The following THOC1 variants were observed in gnomAD, a reference collection of about 807,000 sequenced individuals.
The protein encoded by THOC1 is THO complex subunit 1, also known as THO complex 1.
In THOC1, 29 loss-of-function variants were observed where a neutral mutation model predicts 97.3. The observed-to-expected ratio is 0.30, with a 90% CI of 0.22 to 0.41. THOC1 has a LOEUF of 0.41. Among genes scored for constraint, THOC1 ranks in the 10% least tolerant of loss-of-function variants. The pLI is 1.00. For missense variants in THOC1, 529 were observed against 761.9 expected (o/e 0.69, Z 3.60); for synonymous variants, 255 against 257.0 (o/e 0.99, Z 0.07).
Position 246,537 on chromosome 18 carries a change from T to C in THOC1, c.787-82A>G, listed in dbSNP as rs114625283. On this transcript the variant is annotated intron_variant, in intron 10 of 20. Coordinates refer to ENST00000261600, the MANE Select transcript of THOC1 (RefSeq NM_005131.3). The stretch of plus-strand genomic sequence containing the variant: ...TTTTCTGCATCAAAATGCCTAGAAT[T>C]TACTCCCAGTCAATCATGTATGTAG... The C allele has an allele frequency of 1.4e-3, 1,674 of 1,199,732 alleles. 11 individuals are homozygous for C. In the African/African-American group the frequency reaches 0.022, roughly 15 times the overall value. The allele number at this position is 1,199,732 out of a possible 1,614,324, so 74.3% of individuals were successfully genotyped here. A position where few individuals can be genotyped will look rare whatever the true frequency, so the allele number is the denominator to read the frequency against.
intron 11 of THOC1, among the ~76,000 whole-genome samples, chr18:235,766 T>G (rs539286802): frequency 6.6e-6 from 1 of 152,218 alleles, no homozygotes; most frequent in South Asian, 2.1e-4. Context: ...TGTGACCTAG[T>G]ACATGGTCAA....
At chr18:243,673 C>A (rs1911988520) in intron 11 of THOC1, among the ~76,000 whole-genome samples, 2 of 151,998 alleles carry the variant, frequency 1.3e-5, no homozygotes, top group South Asian at 4.2e-4. Context: ...AACTTTTTTG[C>A]CCTGATAATA....
chr18:229,347 A>G (rs1360834110), intron 11 of THOC1, among the ~76,000 whole-genome samples: 1 of 152,096 alleles, frequency 6.6e-6, no homozygotes, highest in Non-Finnish European at 1.5e-5. Flanking sequence ...CAGCTCCTCA[A>G]CCTGCTATCA....
intron 7 of THOC1, among the ~76,000 whole-genome samples, chr18:255,064 G>A (rs1912394840): frequency 6.6e-6 from 1 of 152,160 alleles, no homozygotes; most frequent in Admixed American, 6.5e-5. Flanking sequence ...AATAAATGCT[G>A]TGTGTGTTCT....
chr18:232,258 G>A (rs1237043373), intron 11 of THOC1, among the ~76,000 whole-genome samples: 1 of 152,000 alleles, frequency 6.6e-6, no homozygotes, highest in Non-Finnish European at 1.5e-5. Context: ...ACCACACTCA[G>A]CTCATTTTAA....
At chr18:250,947 G>A (rs530326381) in intron 9 of THOC1, among the ~76,000 whole-genome samples, 1 of 152,108 alleles carries the variant, frequency 6.6e-6, no homozygotes, top group Admixed American at 6.5e-5. Flanking sequence ...ATGTTGCTCA[G>A]GCCAGACCTT....
chr18:251,787 C>T (rs543070713), intron 9 of THOC1, among the ~76,000 whole-genome samples: 2 of 152,304 alleles, frequency 1.3e-5, no homozygotes, highest in African/African-American at 2.4e-5. Flanking sequence ...GGTTGGTTCC[C>T]GCCCTGCGCT....
intron 4 of THOC1, among the ~76,000 whole-genome samples, chr18:262,812 C>A (rs1343949037): frequency 6.6e-6 from 1 of 152,052 alleles, no homozygotes; most frequent in Non-Finnish European, 1.5e-5. Context: ...GTGAATAATG[C>A]TTTACAGATT....
chr18:247,947 T>C lies in THOC1; in HGVS notation c.688A>G (p.Ile230Val), dbSNP rs1265860043. Residue 230 changes from isoleucine (I) to valine (V), a missense_variant, in exon 10 of 21, where the codon ATT becomes GTT. Physicochemically the swap from Ile to Val is conservative, Grantham distance 29. Around this residue, in one of 8 missense-constraint regions of THOC1, gnomAD observed 92 missense variants for 127.0 expected, o/e 0.72. Transcript: ENST00000261600. ...EEAPTTCSIP[I>V]DYNLYRKFWS... The stretch of plus-strand genomic sequence containing the variant: ...AATTTTCGATACAGGTTGTAATCAA[T>C]TGGAATAGAGCTAATAAAATAAACG... 5.7e-6 allele frequency: 9 copies of C among 1,581,120 alleles called. No individual in the cohort carries two copies. Among genetic ancestry groups the C allele is most frequent in the Non-Finnish European group, 7.8e-6 (9 of 1,157,962 alleles).
chr18:218,711 A>G (rs1195499599), intron 18 of THOC1, among the ~76,000 whole-genome samples, 175 bp downstream of exon 18: 1 of 152,186 alleles, frequency 6.6e-6, no homozygotes, highest in Non-Finnish European at 1.5e-5. Flanking sequence ...GTTAACAGGA[A>G]TAATCCTTGA....
rs1911920915 is a variant in THOC1 at position 242,007 on chromosome 18, G to A, written c.918+4317C>T. 6.6e-6 allele frequency among the ~76,000 whole-genome samples: 1 copy of A among 152,140 alleles called. No homozygotes were observed. The highest frequency in any genetic ancestry group is 1.5e-5 in the Non-Finnish European group (1 of 68,028). ...TGCTAAAAAGGGAACTATACTGTTG[G>A]GCACTAGTATTCAGAATCACACTCC... On this transcript the variant is annotated intron_variant, in intron 11 of 20. Transcript: ENST00000261600. The surrounding 1 kb of genome is among the most constrained non-coding windows in gnomAD (Gnocchi z 4.5).
intron 18 of THOC1, among the ~76,000 whole-genome samples, chr18:218,004 A>G (rs574152234): frequency 1.1e-4 from 17 of 152,268 alleles, no homozygotes; most frequent in East Asian, 9.7e-4. Flanking sequence ...GACTTGGACA[A>G]TTATTTTAAA....
intron 11 of THOC1, among the ~76,000 whole-genome samples, chr18:229,133 G>T (rs928979567): frequency 2.6e-5 from 4 of 152,102 alleles, no homozygotes; most frequent in African/African-American, 9.6e-5. Context: ...ATTCCATCTG[G>T]ATTACCTTCC....
chr18:264,127 CA>C lies in THOC1; in HGVS notation c.190-36del, dbSNP rs758473184. ...GAGGAGAAACAATTTAATTTAGGGG[CA>C]AGAGTTCAGACTAAACTCGATTAAC... On this transcript the variant is annotated intron_variant, in intron 3 of 20. Transcript: ENST00000261600. 8.0e-6 allele frequency: 12 copies of C among 1,501,946 alleles called. No homozygotes were observed. In the African/African-American group the frequency reaches 1.5e-4, roughly 19 times the overall value. The allele number at this position is 1,501,946 out of a possible 1,614,324, so 93.0% of individuals were successfully genotyped here.
At position 225,421 on chromosome 18, in the gene THOC1, G is replaced by A; in HGVS notation, c.1020-18C>T. ...AGTTTGAACTAGGGAACAAAGCAAT[G>A]AAAGCATGCTTGAGTTACAGCAATG... On this transcript the variant is annotated intron_variant, in intron 12 of 20. Coordinates refer to ENST00000261600, the MANE Select transcript of THOC1 (RefSeq NM_005131.3). The A allele has an allele frequency of 6.2e-7, 1 of 1,608,006 alleles. No homozygotes were observed.
intron 11 of THOC1, among the ~76,000 whole-genome samples, chr18:236,800 C>A (rs1416312604): frequency 1.3e-5 from 2 of 152,012 alleles, no homozygotes; most frequent in African/African-American, 4.8e-5. Flanking sequence ...GCTCTTGAGC[C>A]CCAGTGAGGT....
In THOC1 at chr18:259,211, CA is replaced by C; in HGVS notation, c.488del (p.Leu163TrpfsTer50). ...TVFCGRIQLF[L>X]ARLFPLSEKS... ...TCTCAGACAGAGGGAAAAGCCTGGC[CA>C]AAAAGAGCTGAATCCGTCCACAGAA... On this transcript the variant is annotated frameshift_variant, in exon 7 of 21. Transcript: ENST00000261600. LOFTEE classifies it high-confidence loss of function. The C allele has an allele frequency of 6.2e-7, 1 of 1,611,970 alleles. No homozygotes were observed. The highest frequency in any genetic ancestry group is 8.5e-7 in the Non-Finnish European group (1 of 1,178,798).
chr18:216,462 G>A, intron 19 of THOC1, 24 bp downstream of exon 19: 1 of 1,609,174 alleles, frequency 6.2e-7, no homozygotes, highest in Middle Eastern at 1.7e-4. Context: ...TAAAGGGTAT[G>A]AAAAGTTGAT....
At chr18:259,771 G>A (rs1912545329) in intron 5 of THOC1, 41 bp from the exon 6 acceptor site, 4 of 1,433,518 alleles carry the variant, frequency 2.8e-6, no homozygotes, top group Non-Finnish European at 3.8e-6. Context: ...TTCAGAACTT[G>A]TTACACATTC....
Sources: allele counts gnomAD v4.1 joint callset (sites outside exome capture counted in the v4.1 genomes callset), GRCh38; gene constraint gnomAD v4.1.1; regional missense constraint gnomAD v4.1.1; non-coding constraint Gnocchi (gnomAD v3.1); transcripts MANE v1.5; gene names NCBI Gene and HGNC (gene_info 2026-07-23, HGNC 2026-07-21).